The following CFAP97D2 variants were observed in gnomAD, a reference collection of about 807,000 sequenced individuals.
CFAP97D2 encodes uncharacterized protein CFAP97D2.
intron 4 of CFAP97D2, among the ~76,000 whole-genome samples, chr13:114,218,297 T>G (rs919745567): frequency 2.0e-5 from 3 of 152,054 alleles, no homozygotes; most frequent in Non-Finnish European, 4.4e-5. Flanking sequence ...GAGAATAAAA[T>G]ACCTAGGAAT....
chr13:114,199,147 G>A (rs865832286), intron 2 of CFAP97D2, among the ~76,000 whole-genome samples: 10 of 28,062 alleles, frequency 3.6e-4, no homozygotes, highest in Non-Finnish European at 4.3e-4. Context: ...GAGGCGTGAC[G>A]GCGCGTCCCC....
intron 4 of CFAP97D2, among the ~76,000 whole-genome samples, chr13:114,216,805 C>T (rs899695267): frequency 1.3e-4 from 20 of 152,138 alleles, no homozygotes; most frequent in Non-Finnish European, 2.9e-4. Context: ...GGTATATGCC[C>T]AGTAATGGGA....
At chr13:114,196,316 A>G (rs959989861) in intron 1 of CFAP97D2, 80 bp from the exon 2 acceptor site, 4 of 398,880 alleles carry the variant, frequency 1.0e-5, no homozygotes, top group African/African-American at 6.2e-5. Flanking sequence ...TGGTGCCACG[A>G]AAGACCCCAG....
chr13:114,222,243 G>T lies in CFAP97D2; in HGVS notation c.481-255G>T, dbSNP rs1047123560. On this transcript the variant is annotated intron_variant, in intron 4 of 4. Coordinates refer to ENST00000646158, the Ensembl canonical transcript of CFAP97D2. This position sits in a 1 kb window ranked among gnomAD's most constrained non-coding sequence, Gnocchi z 4.4. Reference sequence around the variant, plus strand: ...CCAAAGGAGTTTGATTTTTGGAGGGGGAGGTGATGAAGATGTTCTGAAATT... The same window carrying T: ...CCAAAGGAGTTTGATTTTTGGAGGGTGAGGTGATGAAGATGTTCTGAAATT... 1.3e-5 allele frequency among the ~76,000 whole-genome samples: 2 copies of T among 152,116 alleles called. No homozygotes were observed. The highest frequency in any genetic ancestry group is 4.8e-5 in the African/African-American group (2 of 41,420).
At chr13:114,182,751 C>T (rs942244283) in intron 1 of CFAP97D2, among the ~76,000 whole-genome samples, 3 of 152,226 alleles carry the variant, frequency 2.0e-5, no homozygotes, top group Admixed American at 6.5e-5. Flanking sequence ...TCATACAACA[C>T]GTGTTTTTAT....
chr13:114,202,946 G>A (rs1253712870), intron 3 of CFAP97D2, among the ~76,000 whole-genome samples: 3 of 152,144 alleles, frequency 2.0e-5, no homozygotes, highest in Non-Finnish European at 2.9e-5. Context: ...AGAGAAGATC[G>A]CCATTGTTCC....
At chr13:114,181,707 G>A (rs886418563) in intron 1 of CFAP97D2, among the ~76,000 whole-genome samples, 77 of 152,172 alleles carry the variant, frequency 5.1e-4, no homozygotes, top group African/African-American at 1.7e-3. Context: ...CTCTGAAACT[G>A]TAAAGGACCT....
intron 3 of CFAP97D2, among the ~76,000 whole-genome samples, chr13:114,204,125 A>C (rs1460843194): frequency 6.6e-6 from 1 of 152,188 alleles, no homozygotes; most frequent in Non-Finnish European, 1.5e-5. Context: ...GAAAGTAGGA[A>C]AATACATTTC....
chr13:114,197,724 C>T (rs1311099169), intron 2 of CFAP97D2, among the ~76,000 whole-genome samples: 1 of 144,556 alleles, frequency 6.9e-6, no homozygotes, highest in Non-Finnish European at 1.5e-5. Flanking sequence ...ACTGTGTCGC[C>T]CAGGCTGGAG....
chr13:114,215,948 G>A (rs574152557), intron 4 of CFAP97D2: 2 of 152,344 alleles, frequency 1.3e-5, no homozygotes, highest in South Asian at 4.1e-4. Context: ...CTTGGCAGAG[G>A]CTTATGTCAA....
intron 1 of CFAP97D2, among the ~76,000 whole-genome samples, chr13:114,180,026 T>C (rs553167926): frequency 9.2e-5 from 14 of 152,312 alleles, no homozygotes; most frequent in African/African-American, 3.4e-4. Flanking sequence ...TTAGAAGATA[T>C]GTTATTATTT....
chr13:114,209,227 G>A (rs528162063), intron 3 of CFAP97D2, among the ~76,000 whole-genome samples: 3 of 152,320 alleles, frequency 2.0e-5, no homozygotes, highest in Non-Finnish European at 4.4e-5. Context: ...CCCGCTGTCC[G>A]CATCCAACAC....
intron 1 of CFAP97D2, among the ~76,000 whole-genome samples, chr13:114,181,909 C>T (rs1013690454): frequency 2.0e-5 from 3 of 149,398 alleles, no homozygotes; most frequent in African/African-American, 7.4e-5. Flanking sequence ...GCTGGCCATG[C>T]CTGAAGGGGT....
chr13:114,204,027 C>T (rs1004912745), intron 3 of CFAP97D2, among the ~76,000 whole-genome samples: 1 of 152,178 alleles, frequency 6.6e-6, no homozygotes, highest in African/African-American at 2.4e-5. Flanking sequence ...CTTATTGTTG[C>T]TGGGGAGCAA....
intron 1 of CFAP97D2, among the ~76,000 whole-genome samples, chr13:114,195,512 T>C (rs1434567217): frequency 6.6e-6 from 1 of 152,222 alleles, no homozygotes; most frequent in Non-Finnish European, 1.5e-5. Flanking sequence ...AGGTTATCCG[T>C]GAGCAGGTCC....
chr13:114,180,458 A>AGC (rs2080828171), intron 1 of CFAP97D2, among the ~76,000 whole-genome samples: 1 of 151,700 alleles, frequency 6.6e-6, no homozygotes, highest in African/African-American at 2.4e-5. Context: ...CTCCTTCCCC[A>AGC]GCTCAACCTC....
rs2080926130 is a variant in CFAP97D2, at chr13:114,203,182, A to G, written c.290+2739A>G. 6.6e-6 allele frequency among the ~76,000 whole-genome samples: 1 copy of G among 152,260 alleles called. No homozygotes were observed. Among genetic ancestry groups the G allele is most frequent in the South Asian group, 2.1e-4 (1 of 4,834 alleles). ...GCATATAGAAAATCTTAAGGAATGCACTAAAAAGCTGTAGAACTAATCCAC... is the reference window on the plus strand; with the variant it reads ...GCATATAGAAAATCTTAAGGAATGCGCTAAAAAGCTGTAGAACTAATCCAC... On this transcript the variant is annotated intron_variant, in intron 3 of 4. Coordinates refer to ENST00000646158, the Ensembl canonical transcript of CFAP97D2. This position sits in a 1 kb window ranked among gnomAD's most constrained non-coding sequence, Gnocchi z 4.3.
chr13:114,196,401 G>C, exon 2 of CFAP97D2: 1 of 399,688 alleles, frequency 2.5e-6, no homozygotes, highest in Non-Finnish European at 4.4e-6. Context: ...CACAGGTCCA[G>C]AGCGCCCAGC....
intron 1 of CFAP97D2, among the ~76,000 whole-genome samples, chr13:114,190,276 C>T (rs2080864728): frequency 6.6e-6 from 1 of 152,096 alleles, no homozygotes; most frequent in Admixed American, 6.5e-5. Context: ...AACATCGTAA[C>T]ATTGTACTGA....
Sources: gnomAD v4.1 joint callset for allele counts (sites outside exome capture counted in the v4.1 genomes callset) on GRCh38, gnomAD v4.1.1 for gene constraint, Gnocchi (gnomAD v3.1) non-coding constraint, MANE v1.5 for transcripts, NCBI Gene and HGNC (gene_info 2026-07-23, HGNC 2026-07-21) for gene names.